Variants in DPP6 observed in about 807,000 individuals in gnomAD.
DPP6 encodes the protein dipeptidyl peptidase like 6.
A neutral mutation model predicts 122.6 loss-of-function variants in DPP6; 69 were observed. The ratio of observed to expected loss-of-function variants is 0.56; its 90% CI spans 0.46 to 0.69. The LOEUF is 0.69. Among genes scored for constraint, DPP6 ranks in the 30% least tolerant of loss-of-function variants. The pLI, the probability that DPP6 is intolerant of heterozygous loss-of-function variation, is 0.00. For missense variants in DPP6, 928 were observed against 1,116.9 expected, an observed-to-expected ratio of 0.83 and a Z score of 2.41; for synonymous variants, 418 against 433.1, an observed-to-expected ratio of 0.97 and a Z score of 0.43.
At chr7:154,448,785 T>G (rs1820106941) in intron 2 of DPP6, among the ~76,000 whole-genome samples, 1 of 152,180 alleles carries the variant, frequency 6.6e-6, no homozygotes, top group Non-Finnish European at 1.5e-5. Flanking sequence ...GTCAATTATT[T>G]TTTGACAAGG....
intron 7 of DPP6, among the ~76,000 whole-genome samples, chr7:154,685,997 A>G (rs1839575198): frequency 6.6e-6 from 1 of 152,216 alleles, no homozygotes; most frequent in Non-Finnish European, 1.5e-5. Flanking sequence ...GGTTTCAGAC[A>G]GCAAGTCTCA....
At chr7:154,400,708 T>C (rs1815498977) in intron 1 of DPP6, among the ~76,000 whole-genome samples, 1 of 152,218 alleles carries the variant, frequency 6.6e-6, no homozygotes, top group Non-Finnish European at 1.5e-5. Flanking sequence ...TGGAGATAGA[T>C]ATTTGCAGGT....
chr7:154,576,737 T>C (rs1299594998), intron 5 of DPP6, among the ~76,000 whole-genome samples: 4 of 152,032 alleles, frequency 2.6e-5, no homozygotes, highest in African/African-American at 9.7e-5. Context: ...GGGAGGAGGC[T>C]GCTCACTATC....
In DPP6 at chr7:154,893,072, G is replaced by A; in HGVS notation, c.*592G>A. 2.4e-6 allele frequency: 1 copy of A among 422,406 alleles called. No homozygotes were observed. Among genetic ancestry groups the A allele is most frequent in the Admixed American group, 2.7e-5 (1 of 37,354 alleles). The allele number at this position is 422,406 out of a possible 1,614,324, so 26.2% of individuals were successfully genotyped here. On this transcript the variant is annotated 3_prime_UTR_variant, in exon 26 of 26. Coordinates refer to ENST00000377770, the MANE Select transcript of DPP6 (RefSeq NM_130797.4). ...AGCTACGCTAATGGTTAACCTGATA[G>A]AATTAACTCGTATTTTTCTATGGTT...
chr7:154,807,243 C>A, intron 16 of DPP6, 131 bp downstream of exon 16: 2 of 1,315,146 alleles, frequency 1.5e-6, no homozygotes, highest in Non-Finnish European at 1.0e-6. Flanking sequence ...AGGTGAGGAT[C>A]CCGCCTACCT....
intron 23 of DPP6, among the ~76,000 whole-genome samples, chr7:154,888,336 G>A (rs187621082): frequency 4.8e-4 from 73 of 152,254 alleles, no homozygotes; most frequent in African/African-American, 1.6e-3. Flanking sequence ...TGATCCACCT[G>A]CCTCAGCCTC....
At chr7:153,760,149 C>G in the DPP6 span, among the ~76,000 whole-genome samples, 2 of 152,094 alleles carry the variant, frequency 1.3e-5, no homozygotes. Context: ...ATTCTTATGT[C>G]TTCAAGTTCA....
At chr7:154,341,195 G>T (rs1809896437) in intron 1 of DPP6, among the ~76,000 whole-genome samples, 1 of 152,128 alleles carries the variant, frequency 6.6e-6, no homozygotes, top group African/African-American at 2.4e-5. Flanking sequence ...GCCAAATAGG[G>T]TTTTTAAGAA....
chr7:154,072,288 A>G (rs1488840430), intron 1 of DPP6, among the ~76,000 whole-genome samples: 3 of 152,242 alleles, frequency 2.0e-5, no homozygotes, highest in Non-Finnish European at 2.9e-5. Context: ...TGAAGAATCA[A>G]TTGCTTATCC....
intron 1 of DPP6, chr7:154,058,557 C>T (rs1801146315): frequency 6.8e-6 from 1 of 146,982 alleles, no homozygotes; most frequent in African/African-American, 2.5e-5. Context: ...ACCCCCATCG[C>T]AGAGGGGGGA....
chr7:154,343,984 C>T (rs900330868), intron 1 of DPP6, among the ~76,000 whole-genome samples: 1 of 152,090 alleles, frequency 6.6e-6, no homozygotes, highest in Non-Finnish European at 1.5e-5. Context: ...CGAAAGTGCT[C>T]GGATTATAGG....
chr7:154,282,416 T>G lies in DPP6; in HGVS notation c.244-163798T>G, dbSNP rs1288156230. Among the ~76,000 whole-genome samples the G allele has an allele frequency of 6.6e-6, 1 of 152,228 alleles. No homozygotes were observed. The highest frequency in any genetic ancestry group is 1.5e-5 in the Non-Finnish European group (1 of 68,048). ...AGGCAGCCGTACCTGGGGTGCTGAT[T>G]AGCACTGTGCAATGTACTGATTGGT... On this transcript the variant is annotated intron_variant, in intron 1 of 25. Transcript: ENST00000377770. This position sits in a 1 kb window ranked among gnomAD's most constrained non-coding sequence, Gnocchi z 4.8.
chr7:154,268,708 A>G (rs73489342), intron 1 of DPP6, among the ~76,000 whole-genome samples: 21,878 of 152,060 alleles, frequency 0.14, 2,101 homozygotes, highest in African/African-American at 0.27. Flanking sequence ...ATTTGCCTCA[A>G]TGATTTTCCC....
intron 1 of DPP6, among the ~76,000 whole-genome samples, chr7:154,108,503 T>A (rs1413245991): frequency 2.0e-5 from 3 of 152,144 alleles, no homozygotes; most frequent in African/African-American, 7.2e-5. Context: ...AATTCCTGCA[T>A]CCCTAACACT....
At chr7:153,773,229 C>T in the DPP6 span, among the ~76,000 whole-genome samples, 1 of 147,300 alleles carries the variant, frequency 6.8e-6, no homozygotes, top group Non-Finnish European at 1.5e-5. Context: ...AAGACAAATC[C>T]TCAGTTGTGG....
At chr7:154,771,317 T>C (rs1182998154) in intron 9 of DPP6, among the ~76,000 whole-genome samples, 2 of 152,252 alleles carry the variant, frequency 1.3e-5, no homozygotes, top group East Asian at 3.8e-4. Flanking sequence ...TTTTGGCAGC[T>C]GGAAGTCCAA....
At position 154,641,269 on chromosome 7, in the gene DPP6, G is replaced by C. The variant is rs1469088367; in HGVS notation, c.680+3396G>C. ...CTATTACCTAAGGGTAGGTTTGTTT[G>C]ACTTTGACATACCAAGCTTCCAAAA... On this transcript the variant is annotated intron_variant, in intron 6 of 25. Coordinates refer to ENST00000377770, the MANE Select transcript of DPP6 (RefSeq NM_130797.4). Among the ~76,000 whole-genome samples the C allele has an allele frequency of 2.0e-5, 3 of 152,256 alleles. No homozygotes were observed. In the South Asian group the frequency reaches 6.2e-4, roughly 32 times the overall value.
intron 1 of DPP6, among the ~76,000 whole-genome samples, chr7:154,320,024 A>G (rs1001204677): frequency 3.4e-5 from 4 of 116,686 alleles, no homozygotes; most frequent in Non-Finnish European, 5.7e-5. Flanking sequence ...ATATATATAT[A>G]TATATATGCA....
intron 5 of DPP6, among the ~76,000 whole-genome samples, chr7:154,608,180 T>C (rs1433277304): frequency 5.3e-5 from 8 of 150,610 alleles, no homozygotes; most frequent in South Asian, 2.1e-4. Flanking sequence ...GGGGTTTCCC[T>C]GTGTTAGCCA....
Sources: allele counts gnomAD v4.1 joint callset (sites outside exome capture counted in the v4.1 genomes callset), GRCh38; gene constraint gnomAD v4.1.1; non-coding constraint Gnocchi (gnomAD v3.1); transcripts MANE v1.5; gene names NCBI Gene and HGNC (gene_info 2026-07-23, HGNC 2026-07-21).